CCDC146: variants seen among roughly 807,000 people sequenced by gnomAD.
CCDC146 encodes the protein coiled-coil domain-containing protein 146.
In CCDC146, 92 loss-of-function variants were observed where a neutral mutation model predicts 119.3. The ratio of observed to expected loss-of-function variants is 0.77; its 90% CI spans 0.65 to 0.92. The LOEUF (loss-of-function observed/expected upper bound fraction) is 0.92, where lower values mean the gene tolerates loss of function less well. CCDC146 is among the 40% of genes least tolerant of loss of function. The probability of loss-of-function intolerance (pLI) is 0.00; values close to 1 mark genes in which losing one functional copy is unlikely to be tolerated. For missense variants in CCDC146, 1,000 were observed against 1,103.0 expected, an observed-to-expected ratio of 0.91 and a Z score of 1.32; for synonymous variants, 372 against 371.8, an observed-to-expected ratio of 1.00 and a Z score of -0.01.
chr7:77,274,581 A>C lies in CCDC146; in HGVS notation c.1369A>C (p.Asn457His). Residue 457 changes from asparagine (N) to histidine (H), a missense_variant, in exon 11 of 19, where the codon AAC (asparagine) becomes CAC (histidine). Physicochemically the swap from Asn to His is moderately conservative, Grantham distance 68. This residue lies in a region of CCDC146 where 985 missense variants were observed against 1,045.3 expected (regional missense o/e 0.94). Coordinates refer to ENST00000285871, the MANE Select transcript of CCDC146 (RefSeq NM_020879.3). ...AGAAAACATGAAAGAGCTAGTAGTC[A>C]ACCTTCTCCGCATGACTCAAATCAA... ...EQENMKELVV[N>H]LLRMTQIKID... The C allele has an allele frequency of 6.2e-7, 1 of 1,613,746 alleles. No individual in the cohort carries two copies. Among genetic ancestry groups the C allele is most frequent in the East Asian group, 2.2e-5 (1 of 44,870 alleles).
At chr7:77,208,634 G>C (rs1289616457) in intron 2 of CCDC146, among the ~76,000 whole-genome samples, 4 of 152,204 alleles carry the variant, frequency 2.6e-5, no homozygotes, top group Non-Finnish European at 4.4e-5. Flanking sequence ...AGAGCTTCCT[G>C]TTTCTGTCCT....
At chr7:77,280,855 A>G (rs1319049344) in intron 14 of CCDC146, among the ~76,000 whole-genome samples, 1 of 152,212 alleles carries the variant, frequency 6.6e-6, no homozygotes, top group Non-Finnish European at 1.5e-5. Context: ...TGATCCCAGC[A>G]CTTTGGGAGG....
At chr7:77,281,164 G>GGC (rs1793757987) in intron 14 of CCDC146, among the ~76,000 whole-genome samples, 1 of 151,392 alleles carries the variant, frequency 6.6e-6, no homozygotes, top group African/African-American at 2.4e-5. Flanking sequence ...GTCATAAACA[G>GGC]GCAAAGAGGA....
intron 1 of CCDC146, among the ~76,000 whole-genome samples, chr7:77,133,760 C>G (rs548624175): frequency 6.7e-6 from 1 of 149,920 alleles, no homozygotes; most frequent in East Asian, 2.0e-4. Context: ...ATGTAAGGCA[C>G]TTGGTGCTAC....
chr7:77,232,073 G>A (rs753759930), intron 2 of CCDC146, among the ~76,000 whole-genome samples: 6 of 152,076 alleles, frequency 3.9e-5, no homozygotes, highest in Non-Finnish European at 5.9e-5. Context: ...TTTTTCCCCC[G>A]CAGTAGGCAG....
chr7:77,124,097 T>C (rs535746615), intron 1 of CCDC146, among the ~76,000 whole-genome samples: 1 of 152,336 alleles, frequency 6.6e-6, no homozygotes, highest in Middle Eastern at 3.4e-3. Context: ...AAATATTAAT[T>C]CTTAATAGTT....
chr7:77,189,197 C>A (rs1379614024), intron 2 of CCDC146, among the ~76,000 whole-genome samples: 1 of 150,342 alleles, frequency 6.7e-6, no homozygotes, highest in Non-Finnish European at 1.5e-5. Flanking sequence ...CCACTCCTCA[C>A]ACACTTTGCA....
chr7:77,132,245 TA>T (rs1033490563), intron 1 of CCDC146, among the ~76,000 whole-genome samples: 9 of 151,480 alleles, frequency 5.9e-5, no homozygotes, highest in African/African-American at 2.2e-4. Context: ...ATTGTCTTGA[TA>T]AAAAAATTAG....
chr7:77,210,741 C>T (rs1386398467), intron 2 of CCDC146, among the ~76,000 whole-genome samples: 1 of 152,036 alleles, frequency 6.6e-6, no homozygotes, highest in Admixed American at 6.6e-5. Flanking sequence ...ACAGGCTGTA[C>T]AGGAAACATG....
At chr7:77,261,986 G>T in intron 8 of CCDC146, 135 bp from the exon 9 acceptor site, 2 of 654,950 alleles carry the variant, frequency 3.1e-6, no homozygotes, top group Non-Finnish European at 5.1e-6. Context: ...TGGGTCAAAC[G>T]GTAGTTCTGT....
intron 2 of CCDC146, among the ~76,000 whole-genome samples, chr7:77,218,351 A>G (rs1792336582): frequency 6.6e-6 from 1 of 151,690 alleles, no homozygotes; most frequent in South Asian, 2.1e-4. Context: ...ATAAATTATA[A>G]AGCAAGGTCC....
intron 9 of CCDC146, among the ~76,000 whole-genome samples, chr7:77,266,490 A>G (rs548770701): frequency 6.6e-6 from 1 of 152,356 alleles, no homozygotes; most frequent in East Asian, 1.9e-4. Flanking sequence ...AAAATGAGTG[A>G]CTGCAAATGG....
intron 2 of CCDC146, among the ~76,000 whole-genome samples, chr7:77,176,715 A>G (rs1444325579): frequency 6.6e-6 from 1 of 151,974 alleles, no homozygotes; most frequent in Admixed American, 6.6e-5. Flanking sequence ...GCCATTATTT[A>G]CCTAATTTCA....
chr7:77,256,420 T>G lies in CCDC146; in HGVS notation c.595T>G (p.Leu199Val). 6.2e-7 allele frequency: 1 copy of G among 1,607,960 alleles called. No individual in the cohort carries two copies. Among genetic ancestry groups the G allele is most frequent in the Non-Finnish European group, 8.5e-7 (1 of 1,177,582 alleles). The change falls in exon 6 of 19, where the codon TTA becomes GTA. Residue 199 changes from leucine to valine, a missense_variant. By Grantham distance (32) the Leu-to-Val change is conservative (BLOSUM62 1). Around this residue, in one of 2 missense-constraint regions of CCDC146, gnomAD observed 985 missense variants for 1,045.3 expected, o/e 0.94. Transcript: ENST00000285871. The part of the protein sequence containing the change: ...IMQKKLEIKN[L>V]REDLASKQKQ... ...GCAGAAGAAATTAGAAATTAAAAAT[T>G]TACGAGAAGATTTGGCATCTAAACA...
intron 1 of CCDC146, among the ~76,000 whole-genome samples, chr7:77,165,149 G>A (rs1179900762): frequency 1.3e-5 from 2 of 152,074 alleles, no homozygotes; most frequent in Non-Finnish European, 2.9e-5. Context: ...AGCCCTTGCT[G>A]ACTAAGACAG....
chr7:77,256,222 T>C, intron 5 of CCDC146, 111 bp from the exon 6 acceptor site: 1 of 753,264 alleles, frequency 1.3e-6, no homozygotes, highest in Admixed American at 3.6e-5. Context: ...ATTCATGAAC[T>C]TCAAAACAAA....
At chr7:77,178,545 A>T (rs574338469) in intron 2 of CCDC146, among the ~76,000 whole-genome samples, 2 of 152,188 alleles carry the variant, frequency 1.3e-5, no homozygotes, top group African/African-American at 4.8e-5. Context: ...ATCCTTTTCT[A>T]GTTCTTTACT....
intron 1 of CCDC146, among the ~76,000 whole-genome samples, chr7:77,123,403 G>GGTGT (rs557580080): frequency 0.035 from 4,340 of 125,222 alleles, 86 homozygotes; most frequent in African/African-American, 0.046. Flanking sequence ...GACCCTATAA[G>GGTGT]GTGTGTGTGT....
intron 2 of CCDC146, among the ~76,000 whole-genome samples, chr7:77,227,685 A>G (rs894893235): frequency 6.6e-6 from 1 of 152,216 alleles, no homozygotes; most frequent in Non-Finnish European, 1.5e-5. Context: ...ATCTGCCTAT[A>G]TCTGCCACTA....
Sources: allele counts gnomAD v4.1 joint callset (sites outside exome capture counted in the v4.1 genomes callset), GRCh38; gene constraint gnomAD v4.1.1; regional missense constraint gnomAD v4.1.1; transcripts MANE v1.5; gene names NCBI Gene and HGNC (gene_info 2026-07-23, HGNC 2026-07-21).